CPA3: variants seen among roughly 807,000 people sequenced by gnomAD.
CPA3 encodes mast cell carboxypeptidase A.
CPA3 carries 52 observed loss-of-function variants against 55.8 expected under a neutral mutation model. The ratio of observed to expected loss-of-function variants is 0.93; its 90% CI spans 0.75 to 1.17. The LOEUF (loss-of-function observed/expected upper bound fraction) is 1.17. Ranked by LOEUF, CPA3 falls within the 50% of genes most tolerant of loss-of-function variation. The pLI, the probability that CPA3 is intolerant of heterozygous loss-of-function variation, is 0.00. For synonymous variants in CPA3, 179 were observed against 171.2 expected (o/e 1.05, Z -0.36); for missense variants, 547 against 509.1 (o/e 1.07, Z -0.72).
intron 2 of CPA3, 142 bp downstream of exon 2, chr3:148,865,690 A>C (rs1033614216): frequency 1.3e-6 from 1 of 756,844 alleles, no homozygotes; most frequent in Non-Finnish European, 2.1e-6. Context: ...AATTCAGCCA[A>C]TGGCCAATAC....
At chr3:148,889,960 C>T (rs6785047) in intron 10 of CPA3, among the ~76,000 whole-genome samples, 65,812 of 151,204 alleles carry the variant, frequency 0.44, 16,680 homozygotes, top group Non-Finnish European at 0.57. Context: ...TTTCATCAGT[C>T]TGAGGAGGAG....
chr3:148,891,077 A>G (rs902992076), intron 10 of CPA3, among the ~76,000 whole-genome samples: 5 of 152,198 alleles, frequency 3.3e-5, no homozygotes, highest in South Asian at 2.1e-4. Context: ...TGATTCGACC[A>G]TCTACTAGCT....
At chr3:148,880,013 C>A in intron 6 of CPA3, 124 bp downstream of exon 6, 1 of 621,920 alleles carries the variant, frequency 1.6e-6, no homozygotes. Flanking sequence ...TTGGTGCTGT[C>A]AGGGAAGAAA....
At chr3:148,885,974 A>G in intron 9 of CPA3, 119 bp from the exon 10 acceptor site, 3 of 703,458 alleles carry the variant, frequency 4.3e-6, no homozygotes, top group Non-Finnish European at 7.5e-6. Flanking sequence ...AGATCAAGGG[A>G]TAAGCACAGT....
chr3:148,867,363 C>T (rs551426695), intron 2 of CPA3, among the ~76,000 whole-genome samples: 61 of 152,346 alleles, frequency 4.0e-4, no homozygotes, highest in Non-Finnish European at 7.9e-4. Context: ...CTGGAATACC[C>T]GGTTCCTTCC....
At position 148,878,538 on chromosome 3, in the gene CPA3, GA is replaced by G; in HGVS notation, c.371del (p.Lys124ArgfsTer9). The G allele has an allele frequency of 1.2e-6, 2 of 1,608,632 alleles. No individual in the cohort carries two copies. Among genetic ancestry groups the G allele is most frequent in the Non-Finnish European group, 1.7e-6 (2 of 1,176,036 alleles). ...RHSYAKYNNW[E>X]KIVAWTEKMM... ...CAGCTACGCAAAATACAATAATTGG[GA>G]AAAGGTACAGTAAAAAATGCCTGTA... On this transcript the variant is annotated frameshift_variant, in exon 4 of 11. Transcript: ENST00000296046. LOFTEE classifies it high-confidence loss of function.
In CPA3 at chr3:148,885,303, T is replaced by C. The variant is rs531735769; in HGVS notation, c.982-790T>C. Among the ~76,000 whole-genome samples the C allele has an allele frequency of 1.4e-4, 21 of 151,772 alleles. No individual in the cohort carries two copies. The South Asian group carries it at 2.1e-3, about 15-fold the overall frequency. ...AAATTGACAGGAAAAATAATGTATA[T>C]TTTATATTTTAGAAGAAAGGAATGA... is the stretch of plus-strand genomic sequence containing the variant. On this transcript the variant is annotated intron_variant, in intron 9 of 10. Coordinates refer to ENST00000296046, the MANE Select transcript of CPA3 (RefSeq NM_001870.4).
chr3:148,871,150 G>A lies in CPA3; in HGVS notation c.269+2111G>A, dbSNP rs567249863. ...CTGACCTTGTGATCCACTCACCTCG[G>A]CCTAGCCACCGCACCAGGCCTACTG... is the stretch of plus-strand genomic sequence containing the variant. On this transcript the variant is annotated intron_variant, in intron 3 of 10. Coordinates refer to ENST00000296046, the MANE Select transcript of CPA3 (RefSeq NM_001870.4). Among the ~76,000 whole-genome samples, 123 of 152,184 alleles carry A rather than the reference G, an allele frequency of 8.1e-4. 2 individuals carry two copies. The highest frequency in any genetic ancestry group is 2.9e-3 in the African/African-American group (120 of 41,522).
rs376101432 is a variant in CPA3 at position 148,892,806 on chromosome 3, T to A, written c.1067-3714T>A. Reference sequence around the variant, plus strand: ...CAGCCTGACCAATATGGTGAAACCCTGTCTCTACTAAAAATACAAAAGTTA... The same window carrying A: ...CAGCCTGACCAATATGGTGAAACCCAGTCTCTACTAAAAATACAAAAGTTA... On this transcript the variant is annotated intron_variant, in intron 10 of 10. Coordinates refer to ENST00000296046, the MANE Select transcript of CPA3 (RefSeq NM_001870.4). Among the ~76,000 whole-genome samples the A allele has an allele frequency of 3.3e-5, 5 of 151,960 alleles. No homozygotes were observed. In the East Asian group the frequency reaches 7.7e-4, roughly 23 times the overall value.
chr3:148,872,805 T>G (rs1199340748), intron 3 of CPA3, among the ~76,000 whole-genome samples: 1 of 151,518 alleles, frequency 6.6e-6, no homozygotes, highest in Admixed American at 6.6e-5. Context: ...CAAACAGGAG[T>G]GTGGAAGGTA....
intron 3 of CPA3, among the ~76,000 whole-genome samples, chr3:148,875,560 CT>C (rs968681562): frequency 4.6e-5 from 7 of 151,072 alleles, no homozygotes; most frequent in African/African-American, 1.5e-4. Flanking sequence ...TAACTTTTCT[CT>C]TTTTTTTTCT....
rs1358535903 is a variant in CPA3, at chr3:148,882,543, C to T, written c.726C>T (p.Asn242=). The T allele has an allele frequency of 1.9e-6, 3 of 1,613,782 alleles. No individual in the cohort carries two copies. Among genetic ancestry groups the T allele is most frequent in the African/African-American group, 1.3e-5 (1 of 75,032 alleles). Residue 242 remains asparagine (N), a synonymous_variant, in exon 8 of 11, where the codon AAC becomes AAT. Transcript: ENST00000296046. The part of the protein sequence containing the change: ...MWRKNRSKNQ[N]SKCIGTDLNR... ...GAAAAAATCGTTCCAAGAACCAAAA[C>T]TCCAAATGCATCGGCACTGACCTCA...
Position 148,868,935 on chromosome 3 carries a change from T to C in CPA3, c.165T>C (p.Gly55=). ...KTNELDFWYP[G]ATHHVAANMM... is the part of the protein sequence containing the mutation. The stretch of plus-strand genomic sequence containing the variant: ...TGCAGCTTGACTTCTGGTATCCAGG[T>C]GCCACCCACCACGTAGCTGCTAATA... The change falls in exon 3 of 11, where the codon GGT becomes GGC. Residue 55 remains glycine, a synonymous_variant. Coordinates refer to ENST00000296046, the MANE Select transcript of CPA3 (RefSeq NM_001870.4). 1.9e-6 allele frequency: 3 copies of C among 1,613,990 alleles called. No individual in the cohort carries two copies. Among genetic ancestry groups the C allele is most frequent in the Non-Finnish European group, 2.5e-6 (3 of 1,179,980 alleles).
chr3:148,881,355 T>TC (rs1714360926), intron 6 of CPA3, 167 bp from the exon 7 acceptor site: 1 of 493,808 alleles, frequency 2.0e-6, no homozygotes, highest in Non-Finnish European at 3.6e-6. Context: ...TAGGTTTTTT[T>TC]CCCCTTTAAA....
intron 10 of CPA3, among the ~76,000 whole-genome samples, chr3:148,887,598 C>A (rs975731194): frequency 2.6e-5 from 4 of 152,156 alleles, no homozygotes; most frequent in African/African-American, 9.7e-5. Flanking sequence ...ATTTGAGTAT[C>A]ACCGAAGACA....
intron 10 of CPA3, among the ~76,000 whole-genome samples, chr3:148,887,987 A>G (rs1714579468): frequency 6.6e-6 from 1 of 152,220 alleles, no homozygotes; most frequent in Admixed American, 6.5e-5. Context: ...AACAGTGTTT[A>G]GCATTAAGAC....
intron 9 of CPA3, 105 bp from the exon 10 acceptor site, chr3:148,885,988 T>TA: frequency 1.3e-6 from 1 of 767,232 alleles, no homozygotes; most frequent in South Asian, 1.5e-5. Context: ...GCACAGTGCC[T>TA]AACCTGTAAG....
chr3:148,886,831 T>C (rs1254447748), intron 10 of CPA3, among the ~76,000 whole-genome samples: 1 of 152,218 alleles, frequency 6.6e-6, no homozygotes, highest in Non-Finnish European at 1.5e-5. Flanking sequence ...ACAGCTAGGA[T>C]AGGAAAACAG....
intron 3 of CPA3, among the ~76,000 whole-genome samples, chr3:148,869,269 A>T (rs1430196980): frequency 6.6e-6 from 1 of 152,224 alleles, no homozygotes; most frequent in African/African-American, 2.4e-5. Flanking sequence ...GCTCTTAGCT[A>T]TAAGAATAAC....
Sources: gnomAD v4.1 joint callset for allele counts (sites outside exome capture counted in the v4.1 genomes callset) on GRCh38, gnomAD v4.1.1 for gene constraint, MANE v1.5 for transcripts, NCBI Gene and HGNC (gene_info 2026-07-23, HGNC 2026-07-21) for gene names.